Variants in SLC25A21 observed in about 807,000 individuals in gnomAD.
SLC25A21 encodes the protein mitochondrial 2-oxodicarboxylate carrier.
SLC25A21 carries 47 observed loss-of-function variants against 43.8 expected under a neutral mutation model. The observed-to-expected ratio is 1.07, with a 90% CI of 0.85 to 1.37. The LOEUF (loss-of-function observed/expected upper bound fraction) is 1.37. Among genes scored for constraint, SLC25A21 ranks in the 40% most tolerant of loss-of-function variants. The probability of loss-of-function intolerance (pLI) is 0.00; values close to 1 mark genes in which losing one functional copy is unlikely to be tolerated. For missense variants in SLC25A21, 352 were observed against 350.2 expected, an observed-to-expected ratio of 1.00 and a Z score of -0.04; for synonymous variants, 131 against 121.3, an observed-to-expected ratio of 1.08 and a Z score of -0.52.
chr14:37,152,774 T>C (rs1003854402), intron 1 of SLC25A21, among the ~76,000 whole-genome samples: 5 of 152,072 alleles, frequency 3.3e-5, no homozygotes, highest in South Asian at 4.1e-4. Flanking sequence ...CTTACAAACA[T>C]GTAGAATATC....
intron 2 of SLC25A21, among the ~76,000 whole-genome samples, chr14:36,850,579 G>A (rs8012773): frequency 0.13 from 19,715 of 152,096 alleles, 2,399 homozygotes; most frequent in African/African-American, 0.31. Context: ...TTTTCTTTCA[G>A]TCTTTCAAAA....
At chr14:36,720,503 TGGG>T (rs1884330485) in intron 6 of SLC25A21, among the ~76,000 whole-genome samples, 1 of 152,234 alleles carries the variant, frequency 6.6e-6, no homozygotes, top group Non-Finnish European at 1.5e-5. Context: ...TAAGCATCTA[TGGG>T]GTACCTGCTC....
intron 1 of SLC25A21, among the ~76,000 whole-genome samples, chr14:36,952,823 T>A (rs8017518): frequency 6.6e-6 from 1 of 151,984 alleles, no homozygotes. Context: ...AGACTACACC[T>A]TCTGTAGCTT....
chr14:36,931,866 A>T (rs1892304279), intron 1 of SLC25A21, among the ~76,000 whole-genome samples: 1 of 152,208 alleles, frequency 6.6e-6, no homozygotes, highest in South Asian at 2.1e-4. Flanking sequence ...AAATTAAAAT[A>T]AAATTAAATT....
chr14:36,908,958 T>A (rs1891607699), intron 1 of SLC25A21, among the ~76,000 whole-genome samples: 2 of 152,144 alleles, frequency 1.3e-5, no homozygotes, highest in Non-Finnish European at 2.9e-5. Flanking sequence ...GGGGTGATAG[T>A]TTACTTGGAG....
Position 36,829,697 on chromosome 14 carries a change from C to A in SLC25A21, c.120-15696G>T, listed in dbSNP as rs564706410. 4.1e-5 allele frequency among the ~76,000 whole-genome samples: 4 copies of A among 97,852 alleles called. No homozygotes were observed. The East Asian group carries it at 9.8e-4, about 24-fold the overall frequency. The allele number at this position is 97,852 out of a possible 152,430, so 64.2% of individuals were successfully genotyped here. On this transcript the variant is annotated intron_variant, in intron 2 of 9. Transcript: ENST00000331299. ...CTCTAGGAGGTTATCCTTGGGTCAG[C>A]TGTCTAATGCTGGTTCCCTTAACCC... is the stretch of plus-strand genomic sequence containing the variant.
intron 1 of SLC25A21, among the ~76,000 whole-genome samples, chr14:37,147,639 T>TTG (rs1180534878): frequency 7.7e-6 from 1 of 130,430 alleles, no homozygotes; most frequent in African/African-American, 3.1e-5. Context: ...TTCAGGTTTT[T>TTG]TTTTTTTTTT....
intron 1 of SLC25A21, among the ~76,000 whole-genome samples, chr14:37,051,591 C>CAGGAAACAAAAGAGT (rs1258664788): frequency 6.6e-6 from 1 of 152,146 alleles, no homozygotes; most frequent in East Asian, 1.9e-4. Context: ...AACAAAGGGA[C>CAGGAAACAAAAGAGT]TATTTACAAA....
chr14:36,745,974 A>C (rs1052393237), intron 3 of SLC25A21, among the ~76,000 whole-genome samples: 1 of 152,164 alleles, frequency 6.6e-6, no homozygotes, highest in Non-Finnish European at 1.5e-5. Flanking sequence ...ATGGAGATGC[A>C]GAAAAAAGAG....
intron 6 of SLC25A21, among the ~76,000 whole-genome samples, chr14:36,722,640 T>G (rs61600775): frequency 0.012 from 1,825 of 152,274 alleles, 32 homozygotes; most frequent in African/African-American, 0.041. Context: ...ATAAAATATA[T>G]TATTAAATTA....
chr14:36,712,109 T>C (rs1293197434), intron 6 of SLC25A21, among the ~76,000 whole-genome samples: 1 of 152,208 alleles, frequency 6.6e-6, no homozygotes, highest in Non-Finnish European at 1.5e-5. Context: ...ACCTTGAAAT[T>C]ACTCCTTTCC....
chr14:36,772,394 AATGATTTCT>A (rs1886652398), intron 3 of SLC25A21, among the ~76,000 whole-genome samples: 1 of 152,222 alleles, frequency 6.6e-6, no homozygotes, highest in Non-Finnish European at 1.5e-5. Flanking sequence ...TTTTTCCAAG[AATGATTTCT>A]TTTGAAACAT....
At chr14:37,059,800 T>A (rs1428877498) in intron 1 of SLC25A21, among the ~76,000 whole-genome samples, 1 of 152,114 alleles carries the variant, frequency 6.6e-6, no homozygotes, top group Non-Finnish European at 1.5e-5. Context: ...GATGAGGGCA[T>A]GGGTGGAGTC....
At chr14:37,146,068 C>A (rs1387984692) in intron 1 of SLC25A21, among the ~76,000 whole-genome samples, 2 of 152,182 alleles carry the variant, frequency 1.3e-5, no homozygotes, top group Non-Finnish European at 2.9e-5. Context: ...CCCACTCCTT[C>A]AGATTGTTTA....
intron 1 of SLC25A21, among the ~76,000 whole-genome samples, chr14:37,087,778 C>A (rs1962513300): frequency 6.6e-6 from 1 of 152,274 alleles, no homozygotes; most frequent in South Asian, 2.1e-4. Flanking sequence ...ACTCTCCAAC[C>A]ATGTTTGTTT....
chr14:36,865,003 T>A (rs570039298), intron 2 of SLC25A21, among the ~76,000 whole-genome samples: 81 of 152,198 alleles, frequency 5.3e-4, no homozygotes, highest in African/African-American at 1.9e-3. Context: ...CTCCCCATTT[T>A]AAAAAGATTC....
chr14:37,116,522 A>G (rs993882037), intron 1 of SLC25A21, among the ~76,000 whole-genome samples: 5 of 152,208 alleles, frequency 3.3e-5, no homozygotes, highest in Non-Finnish European at 4.4e-5. Flanking sequence ...AAAAAATAAT[A>G]GCTATGTTCT....
In SLC25A21 at chr14:36,998,706, T is replaced by TA. The variant is rs559490184; in HGVS notation, c.71-123703dup. Among the ~76,000 whole-genome samples the TA allele has an allele frequency of 1.0e-3, 147 of 142,308 alleles. 1 individual carries two copies. The highest frequency in any genetic ancestry group is 7.1e-3 in the Middle Eastern group (2 of 282). The allele number at this position is 142,308 out of a possible 152,430, so 93.4% of individuals were successfully genotyped here. ...CAAAGAACACTTAAAACTCAACAAT[T>TA]AAAAAAAAAAAACCTAATTGAAAAA... On this transcript the variant is annotated intron_variant, in intron 1 of 9. Transcript: ENST00000331299.
At chr14:36,905,970 C>A (rs949361313) in intron 1 of SLC25A21, among the ~76,000 whole-genome samples, 2 of 152,108 alleles carry the variant, frequency 1.3e-5, no homozygotes, top group Non-Finnish European at 2.9e-5. Flanking sequence ...AGTGAAGTGA[C>A]CGGCGATATG....
Sources: gnomAD v4.1 joint callset for allele counts (sites outside exome capture counted in the v4.1 genomes callset) on GRCh38, gnomAD v4.1.1 for gene constraint, MANE v1.5 for transcripts, NCBI Gene and HGNC (gene_info 2026-07-23, HGNC 2026-07-21) for gene names.